POLD1: variants seen among roughly 807,000 people sequenced by gnomAD.
POLD1 encodes the protein DNA polymerase delta catalytic subunit.
In POLD1, 79 loss-of-function variants were observed where a neutral mutation model predicts 129.7. The observed-to-expected ratio is 0.61, with a 90% CI of 0.51 to 0.73. POLD1 has a LOEUF of 0.73. POLD1 is among the 30% of genes least tolerant of loss of function. The pLI, the probability that POLD1 is intolerant of heterozygous loss-of-function variation, is 0.00. For synonymous variants in POLD1, 714 were observed against 683.3 expected, an observed-to-expected ratio of 1.04 and a Z score of -0.70; for missense variants, 1,338 against 1,595.8, an observed-to-expected ratio of 0.84 and a Z score of 2.75.
At position 50,407,129 on chromosome 19, in the gene POLD1, C is replaced by T. The variant is rs770573148; in HGVS notation, c.1641C>T (p.Leu547=). ...CTGGCGTGCCCCTCAGCTACCTGCTCAGTCGTGGCCAGCAGGTCAAGGTCG... is the reference window on the plus strand; with the variant it reads ...CTGGCGTGCCCCTCAGCTACCTGCTTAGTCGTGGCCAGCAGGTCAAGGTCG... ...RVTGVPLSYL[L]SRGQQVKVVS... is the part of the protein sequence containing the mutation. Residue 547 remains leucine, a synonymous_variant, in exon 13 of 27, where the codon CTC becomes CTT. Coordinates refer to ENST00000440232, the MANE Select transcript of POLD1 (RefSeq NM_002691.4). The T allele has an allele frequency of 5.0e-6, 8 of 1,613,094 alleles. No individual in the cohort carries two copies. In the South Asian group the frequency reaches 7.7e-5, roughly 15 times the overall value.
At position 50,413,891 on chromosome 19, in the gene POLD1, G is replaced by T. The variant is rs2122452294; in HGVS notation, c.2388+12G>T. 6.3e-7 allele frequency: 1 copy of T among 1,579,846 alleles called. No homozygotes were observed. Reference sequence around the variant, plus strand: ...TGGAGTTTGAGAAGGTGCGTGGCTGGGTCAGGGGCTCTGCATTTAGGTGCC... The same window carrying T: ...TGGAGTTTGAGAAGGTGCGTGGCTGTGTCAGGGGCTCTGCATTTAGGTGCC... On this transcript the variant is annotated intron_variant, in intron 19 of 26. Transcript: ENST00000440232.
intron 3 of POLD1, 81 bp from the exon 4 acceptor site, chr19:50,401,697 C>G: frequency 6.6e-7 from 1 of 1,507,696 alleles, no homozygotes. Flanking sequence ...GCTGCAGGCC[C>G]CAAGGTATTT....
intron 1 of POLD1, 62 bp from the exon 2 acceptor site, chr19:50,398,789 T>C: frequency 2.6e-6 from 4 of 1,565,008 alleles, no homozygotes; most frequent in Non-Finnish European, 8.6e-7. Flanking sequence ...TGGGATGCCA[T>C]GGAGACAGGG....
rs200144991 is a variant in POLD1 at position 50,403,049 on chromosome 19, G to T, written c.971-4G>T. The T allele has an allele frequency of 1.9e-6, 3 of 1,555,740 alleles. No homozygotes were observed. The highest frequency in any genetic ancestry group is 2.4e-5 in the East Asian group (1 of 41,258). ...TCAGGCCCCTGCATCCTCCTGCCTC[G>T]CAGGCATCTTCCCTGAGCCTGAGCG... On this transcript the variant is annotated splice_polypyrimidine_tract_variant and splice_region_variant and intron_variant, in intron 8 of 26. Coordinates refer to ENST00000440232, the MANE Select transcript of POLD1 (RefSeq NM_002691.4).
At chr19:50,397,976 G>A (rs1454884624) in intron 1 of POLD1, among the ~76,000 whole-genome samples, 2 of 152,194 alleles carry the variant, frequency 1.3e-5, no homozygotes, top group African/African-American at 4.8e-5. Context: ...GTGCTAACAT[G>A]TGGAGGGGTA....
intron 1 of POLD1, chr19:50,393,972 C>T (rs2038254850): frequency 6.6e-6 from 1 of 152,236 alleles, no homozygotes; most frequent in Non-Finnish European, 1.5e-5. Context: ...ATGCTTATTT[C>T]AGGTCTAAGC....
intron 3 of POLD1, among the ~76,000 whole-genome samples, chr19:50,400,211 ATTTTTTTTTTTTT>A (rs549820323): frequency 1.9e-4 from 13 of 67,824 alleles, no homozygotes; most frequent in African/African-American, 8.9e-4. Context: ...CTGGCCAATA[ATTTTTTTTTTTTT>A]TTTTTTTTTT....
chr19:50,408,111 C>T (rs1042747142), intron 14 of POLD1, among the ~76,000 whole-genome samples: 5 of 151,502 alleles, frequency 3.3e-5, no homozygotes, highest in East Asian at 2.0e-4. Flanking sequence ...TCAAGGCAGG[C>T]GGATCACAAG....
Position 50,398,888 on chromosome 19 carries a change from G to T in POLD1, c.37G>T (p.Val13Leu), listed in dbSNP as rs760884573. The T allele has an allele frequency of 1.9e-6, 3 of 1,607,172 alleles. No homozygotes were observed. Among genetic ancestry groups the T allele is most frequent in the Admixed American group, 1.7e-5 (1 of 59,306 alleles). Residue 13 changes from valine (V) to leucine (L), a missense_variant, in exon 2 of 27, where the codon GTG (valine) becomes TTG (leucine). Physicochemically the swap from Val to Leu is conservative, Grantham distance 32. Coordinates refer to ENST00000440232, the MANE Select transcript of POLD1 (RefSeq NM_002691.4). ...GCGGCGGCCAGGCCCAGGGCCCGGG[G>T]TGCCCCCAAAGCGGGCCCGTGGGGG... The part of the protein sequence containing the change: ...GKRRPGPGPG[V>L]PPKRARGGLW...
chr19:50,399,262 G>T (rs1350617134), intron 2 of POLD1, 109 bp from the exon 3 acceptor site: 2 of 1,158,716 alleles, frequency 1.7e-6, no homozygotes, highest in Admixed American at 4.1e-5. Context: ...CAAGTTTCCT[G>T]CCTGACCCAG....
intron 1 of POLD1, among the ~76,000 whole-genome samples, chr19:50,388,825 CTTTT>C (rs34487979): frequency 0.013 from 1,191 of 88,762 alleles, 5 homozygotes; most frequent in Middle Eastern, 0.025. Flanking sequence ...GCAGTTAACT[CTTTT>C]TTTTTTTTTT....
chr19:50,405,547 A>G (rs2038844655), intron 10 of POLD1, among the ~76,000 whole-genome samples: 1 of 152,172 alleles, frequency 6.6e-6, no homozygotes, highest in African/African-American at 2.4e-5. Flanking sequence ...AGGGCAACAT[A>G]GCAAGACCCT....
chr19:50,412,735 TGG>T (rs552983581), intron 17 of POLD1, among the ~76,000 whole-genome samples: 1,522 of 151,234 alleles, frequency 0.01, 18 homozygotes, highest in African/African-American at 0.035. Context: ...GTGGTGGTGG[TGG>T]TGTTGTTGTT....
At chr19:50,408,973 G>A in intron 15 of POLD1, 72 bp downstream of exon 15, 2 of 1,476,512 alleles carry the variant, frequency 1.4e-6, no homozygotes, top group Admixed American at 1.8e-5. Context: ...CAGTCTGGTG[G>A]GGGGCATAGG....
intron 17 of POLD1, chr19:50,410,992 C>G (rs985980483): frequency 7.0e-6 from 1 of 142,020 alleles, no homozygotes; most frequent in Non-Finnish European, 1.5e-5. Context: ...GAGTCTCACT[C>G]TCTCACCCAG....
Position 50,402,400 on chromosome 19 carries a change from C to T in POLD1, c.758+27C>T, listed in dbSNP as rs759734739. On this transcript the variant is annotated intron_variant, in intron 6 of 26. Transcript: ENST00000440232. ...TACGGCCTCTGCCTCACTTCTCCGGCCTCTATCCCCACCCTCGGGCAGCCC... is the reference window on the plus strand; with the variant it reads ...TACGGCCTCTGCCTCACTTCTCCGGTCTCTATCCCCACCCTCGGGCAGCCC... 3.3e-5 allele frequency: 53 copies of T among 1,613,606 alleles called. No homozygotes were observed. The East Asian group carries it at 1.0e-3, about 32-fold the overall frequency.
rs78926604 is a variant in POLD1, at chr19:50,414,081, C to T, written c.2388+202C>T. On this transcript the variant is annotated intron_variant, in intron 19 of 26. Coordinates refer to ENST00000440232, the MANE Select transcript of POLD1 (RefSeq NM_002691.4). ...GGCATCTGTTCTTTGAAAACCCTGT[C>T]GCTGTCCCTGGTTTTGAGGTGTCAC... 5.6e-4 allele frequency among the ~76,000 whole-genome samples: 86 copies of T among 152,320 alleles called. 1 individual carries two copies. The East Asian group carries it at 0.015, about 27-fold the overall frequency.
At chr19:50,401,391 A>ATATATTTTT (rs1334231607) in intron 3 of POLD1, among the ~76,000 whole-genome samples, 39 of 65,948 alleles carry the variant, frequency 5.9e-4, no homozygotes, top group Middle Eastern at 0.016. Flanking sequence ...ATATATATAT[A>ATATATTTTT]TTTTTTTTTT....
At chr19:50,388,450 A>G (rs2038041602) in intron 1 of POLD1, among the ~76,000 whole-genome samples, 1 of 151,702 alleles carries the variant, frequency 6.6e-6, no homozygotes, top group Non-Finnish European at 1.5e-5. Flanking sequence ...TATGCCCTGC[A>G]TTACAATAAA....
Sources: gnomAD v4.1 joint callset for allele counts (sites outside exome capture counted in the v4.1 genomes callset) on GRCh38, gnomAD v4.1.1 for gene constraint, MANE v1.5 for transcripts, NCBI Gene and HGNC (gene_info 2026-07-23, HGNC 2026-07-21) for gene names.